CXCL13: variants seen among roughly 807,000 people sequenced by gnomAD.
CXCL13 encodes C-X-C motif chemokine 13.
Under a neutral mutation model 12.2 loss-of-function variants are expected in CXCL13, and 7 were observed. The ratio of observed to expected loss-of-function variants is 0.57; its 90% CI spans 0.33 to 1.07. The LOEUF (loss-of-function observed/expected upper bound fraction) is 1.07. CXCL13 is among the 50% of genes least tolerant of loss of function. The pLI, the probability that CXCL13 is intolerant of heterozygous loss-of-function variation, is 0.04. For synonymous variants in CXCL13, 47 were observed against 42.4 expected, an observed-to-expected ratio of 1.11 and a Z score of -0.42; for missense variants, 113 against 127.4, an observed-to-expected ratio of 0.89 and a Z score of 0.55.
intron 1 of CXCL13, among the ~76,000 whole-genome samples, chr4:77,555,046 C>A (rs1354875415): frequency 6.7e-6 from 1 of 150,168 alleles, no homozygotes; most frequent in Non-Finnish European, 1.5e-5. Context: ...CAAATTGAAC[C>A]CAAAGTAAGT....
intron 1 of CXCL13, among the ~76,000 whole-genome samples, chr4:77,522,016 A>T (rs1724613851): frequency 6.6e-6 from 1 of 152,164 alleles, no homozygotes; most frequent in Admixed American, 6.5e-5. Context: ...GTAGTTGTGC[A>T]GTTTTGAGTG....
chr4:77,523,522 T>A (rs1188847605), intron 1 of CXCL13, among the ~76,000 whole-genome samples: 2 of 152,230 alleles, frequency 1.3e-5, no homozygotes, highest in Non-Finnish European at 2.9e-5. Context: ...AGCTTGTGCA[T>A]GCATCACGAA....
chr4:77,514,254 T>C (rs1406988194), intron 1 of CXCL13, among the ~76,000 whole-genome samples: 3 of 152,078 alleles, frequency 2.0e-5, no homozygotes, highest in Admixed American at 6.6e-5. Flanking sequence ...TGAATAGTGC[T>C]GCAATAAACA....
intron 1 of CXCL13, among the ~76,000 whole-genome samples, chr4:77,592,859 G>A (rs1726648928): frequency 6.6e-6 from 1 of 152,140 alleles, no homozygotes; most frequent in Non-Finnish European, 1.5e-5. Flanking sequence ...TAGTGGAAAT[G>A]GGGCCTCATT....
At chr4:77,553,424 G>A (rs1178506840) in intron 1 of CXCL13, among the ~76,000 whole-genome samples, 1 of 152,226 alleles carries the variant, frequency 6.6e-6, no homozygotes, top group East Asian at 1.9e-4. Context: ...TCAGTTCCAG[G>A]TCTGGAAAAA....
chr4:77,601,137 G>GCTTCCCTGCATT (rs1402580072), upstream of CXCL13, among the ~76,000 whole-genome samples: 7 of 152,134 alleles, frequency 4.6e-5, no homozygotes, highest in Non-Finnish European at 7.3e-5. Context: ...TAGGTTTGTG[G>GCTTCCCTGCATT]TGGCTTCCCT....
At chr4:77,598,881 C>T (rs180738090) in intron 1 of CXCL13, among the ~76,000 whole-genome samples, 3 of 152,002 alleles carry the variant, frequency 2.0e-5, no homozygotes, top group Non-Finnish European at 4.4e-5. Context: ...GATCTCGGCT[C>T]CCTGCAACCT....
intron 1 of CXCL13, among the ~76,000 whole-genome samples, chr4:77,516,563 C>A (rs1724425217): frequency 6.6e-6 from 1 of 152,116 alleles, no homozygotes; most frequent in African/African-American, 2.4e-5. Context: ...GGAATTTATC[C>A]ATTTCTTCTA....
At chr4:77,581,421 A>G (rs1396549735) in intron 1 of CXCL13, among the ~76,000 whole-genome samples, 1 of 152,192 alleles carries the variant, frequency 6.6e-6, no homozygotes, top group South Asian at 2.1e-4. Context: ...ATCTCCCACA[A>G]AAATCCAGCT....
intron 1 of CXCL13, among the ~76,000 whole-genome samples, chr4:77,558,379 G>T (rs1466067531): frequency 4.6e-5 from 7 of 151,860 alleles, no homozygotes; most frequent in African/African-American, 7.3e-5. Context: ...TTTTTAAGGA[G>T]TCTCCCTGTG....
At chr4:77,562,275 C>T (rs372575680) in intron 1 of CXCL13, among the ~76,000 whole-genome samples, 2 of 151,494 alleles carry the variant, frequency 1.3e-5, no homozygotes, top group South Asian at 2.1e-4. Context: ...GGGCAACGCC[C>T]CCTGCTCTGC....
intron 1 of CXCL13, among the ~76,000 whole-genome samples, chr4:77,541,028 C>T (rs6819431): frequency 0.37 from 56,076 of 151,870 alleles, 10,643 homozygotes; most frequent in African/African-American, 0.45. Context: ...TTTTTTCATA[C>T]GTTTGTTGGC....
intron 1 of CXCL13, among the ~76,000 whole-genome samples, chr4:77,521,048 T>C (rs1437337987): frequency 2.0e-5 from 3 of 152,206 alleles, no homozygotes; most frequent in Non-Finnish European, 2.9e-5. Flanking sequence ...GAACCAGCCT[T>C]GCATCCCAGG....
intron 1 of CXCL13, among the ~76,000 whole-genome samples, chr4:77,597,403 G>A (rs1726790118): frequency 6.6e-6 from 1 of 152,106 alleles, no homozygotes; most frequent in East Asian, 1.9e-4. Context: ...TTTTAAAAAA[G>A]ATTTCCATTC....
At chr4:77,555,235 T>G (rs569429449) in intron 1 of CXCL13, among the ~76,000 whole-genome samples, 2 of 152,102 alleles carry the variant, frequency 1.3e-5, no homozygotes, top group East Asian at 3.9e-4. Context: ...GAGACATCAC[T>G]GCAGGCATTA....
chr4:77,583,988 G>C (rs1250927168), intron 1 of CXCL13, among the ~76,000 whole-genome samples: 2 of 152,156 alleles, frequency 1.3e-5, no homozygotes, highest in East Asian at 3.9e-4. Context: ...AACTAAGAAA[G>C]TGGCAGACAG....
At chr4:77,524,721 C>CT (rs1449015953) in intron 1 of CXCL13, among the ~76,000 whole-genome samples, 1 of 152,150 alleles carries the variant, frequency 6.6e-6, no homozygotes, top group Non-Finnish European at 1.5e-5. Context: ...CCTCTGTGGG[C>CT]TGCATCCACT....
At chr4:77,564,786 G>C (rs941069275) in intron 1 of CXCL13, among the ~76,000 whole-genome samples, 1 of 152,158 alleles carries the variant, frequency 6.6e-6, no homozygotes, top group Non-Finnish European at 1.5e-5. Context: ...CACTCTAAAA[G>C]GCATGATGGA....
At chr4:77,553,512 A>T (rs1652260730) in intron 1 of CXCL13, among the ~76,000 whole-genome samples, 1 of 152,252 alleles carries the variant, frequency 6.6e-6, no homozygotes, top group Non-Finnish European at 1.5e-5. Context: ...GGCCTGGGAA[A>T]ACAAAGTGCT....
Sources: allele counts gnomAD v4.1 joint callset (sites outside exome capture counted in the v4.1 genomes callset), GRCh38; gene constraint gnomAD v4.1.1; transcripts MANE v1.5; gene names NCBI Gene and HGNC (gene_info 2026-07-23, HGNC 2026-07-21).